B3GALT1: variants seen among roughly 807,000 people sequenced by gnomAD.
The protein encoded by B3GALT1 is beta-1,3-galactosyltransferase 1, also known as UDP-Gal:betaGlcNAc beta 1,3-galactosyltransferase, polypeptide 1.
B3GALT1 carries 10 observed loss-of-function variants against 23.2 expected under a neutral mutation model. The observed-to-expected ratio is 0.43, with a 90% CI of 0.27 to 0.73. B3GALT1 has a LOEUF of 0.73. Ranked by LOEUF, B3GALT1 falls within the 30% of genes least tolerant of loss-of-function variation. The probability of loss-of-function intolerance (pLI) is 0.21; values close to 1 mark genes in which losing one functional copy is unlikely to be tolerated. For synonymous variants in B3GALT1, 156 were observed against 141.5 expected (o/e 1.10, Z -0.73); for missense variants, 299 against 405.4 (o/e 0.74, Z 2.25).
At chr2:167,436,993 T>G (rs1321429831) in intron 1 of B3GALT1, among the ~76,000 whole-genome samples, 1 of 152,126 alleles carries the variant, frequency 6.6e-6, no homozygotes, top group African/African-American at 2.4e-5. Context: ...AATGTTAAAG[T>G]TCTTGTGGCA....
chr2:167,845,715 C>T (rs865896939), intron 4 of B3GALT1, among the ~76,000 whole-genome samples: 16 of 151,832 alleles, frequency 1.1e-4, no homozygotes, highest in South Asian at 2.1e-4. Flanking sequence ...CCCACCCCCC[C>T]GCAACAACAA....
chr2:167,835,328 C>T (rs979290342), intron 4 of B3GALT1, among the ~76,000 whole-genome samples: 38 of 152,312 alleles, frequency 2.5e-4, no homozygotes, highest in East Asian at 1.7e-3. Context: ...CACTCCCACC[C>T]GAATACTGTG....
chr2:167,662,392 A>C (rs1161060007), intron 3 of B3GALT1, among the ~76,000 whole-genome samples: 1 of 152,054 alleles, frequency 6.6e-6, no homozygotes, highest in Non-Finnish European at 1.5e-5. Context: ...GAGATGTTTC[A>C]TATGCCCTCT....
chr2:167,685,337 C>G (rs1160754504), intron 3 of B3GALT1, among the ~76,000 whole-genome samples: 1 of 152,202 alleles, frequency 6.6e-6, no homozygotes, highest in African/African-American at 2.4e-5. Context: ...CAGTGATCCC[C>G]CAACCTCAGC....
chr2:167,335,354 C>T (rs753101896), intron 1 of B3GALT1, among the ~76,000 whole-genome samples: 3 of 152,126 alleles, frequency 2.0e-5, no homozygotes, highest in East Asian at 3.9e-4. Flanking sequence ...TATAGAAGTA[C>T]GGAGTCCTTC....
intron 2 of B3GALT1, among the ~76,000 whole-genome samples, chr2:167,557,263 T>C (rs1175249480): frequency 6.6e-6 from 1 of 152,158 alleles, no homozygotes; most frequent in Non-Finnish European, 1.5e-5. Flanking sequence ...TTATGAATTA[T>C]AAACACTGAC....
At chr2:167,758,229 A>G (rs1159072846) in intron 3 of B3GALT1, among the ~76,000 whole-genome samples, 1 of 152,126 alleles carries the variant, frequency 6.6e-6, no homozygotes, top group Admixed American at 6.5e-5. Context: ...GCTCTCTGAT[A>G]GATAGGCCAG....
At chr2:167,308,926 A>G (rs1574027096) in intron 1 of B3GALT1, among the ~76,000 whole-genome samples, 1 of 152,042 alleles carries the variant, frequency 6.6e-6, no homozygotes, top group South Asian at 2.1e-4. Context: ...CTGTGGCATT[A>G]TGCTTGGACC....
intron 3 of B3GALT1, among the ~76,000 whole-genome samples, chr2:167,759,042 G>C (rs1012612304): frequency 6.6e-6 from 1 of 152,140 alleles, no homozygotes; most frequent in Non-Finnish European, 1.5e-5. Flanking sequence ...CTTTGCTTTA[G>C]GCATGGCAAA....
chr2:167,412,002 G>C (rs1404529652), intron 1 of B3GALT1, among the ~76,000 whole-genome samples: 1 of 152,068 alleles, frequency 6.6e-6, no homozygotes, highest in Non-Finnish European at 1.5e-5. Context: ...CTAAAGTGTG[G>C]AGCTCATGAA....
At chr2:167,534,713 A>T (rs752712726) in intron 2 of B3GALT1, among the ~76,000 whole-genome samples, 2 of 152,356 alleles carry the variant, frequency 1.3e-5, no homozygotes, top group Admixed American at 1.3e-4. Context: ...AAGAGAAAGT[A>T]TATAGATATT....
Position 167,845,453 on chromosome 2 carries a change from G to C in B3GALT1, c.-229-23358G>C, listed in dbSNP as rs1432410991. Reference sequence around the variant, plus strand: ...AGACAACACCCAGTACCAGCCTGTAGTCAGGTAGACTTACTTACGGAGTGG... The same window carrying C: ...AGACAACACCCAGTACCAGCCTGTACTCAGGTAGACTTACTTACGGAGTGG... On this transcript the variant is annotated intron_variant, in intron 4 of 4. Transcript: ENST00000392690. Among the ~76,000 whole-genome samples, 6 of 152,198 alleles carry C rather than the reference G, an allele frequency of 3.9e-5. 1 individual carries two copies. In the South Asian group the frequency reaches 1.2e-3, roughly 31 times the overall value.
intron 2 of B3GALT1, among the ~76,000 whole-genome samples, chr2:167,570,862 G>A (rs139556798): frequency 6.6e-6 from 1 of 152,000 alleles, no homozygotes; most frequent in East Asian, 1.9e-4. Context: ...GTACACATTA[G>A]CAAATCTACT....
chr2:167,768,776 A>T (rs192309033), intron 3 of B3GALT1, among the ~76,000 whole-genome samples: 2 of 152,298 alleles, frequency 1.3e-5, no homozygotes, highest in East Asian at 3.9e-4. Flanking sequence ...AATGCACTTA[A>T]GGTTGCCTAA....
chr2:167,428,432 TG>T (rs1465771653), intron 1 of B3GALT1, among the ~76,000 whole-genome samples: 1 of 152,150 alleles, frequency 6.6e-6, no homozygotes, highest in African/African-American at 2.4e-5. Flanking sequence ...TCCAGCACTT[TG>T]GGGGGCTGAG....
chr2:167,352,732 AAAAC>A (rs71904418), intron 1 of B3GALT1, among the ~76,000 whole-genome samples: 124,288 of 150,092 alleles, frequency 0.83, 52,139 homozygotes, highest in East Asian at 0.95. Context: ...AAAAGAAAAA[AAAAC>A]AAACAAACTG....
intron 3 of B3GALT1, among the ~76,000 whole-genome samples, chr2:167,726,691 C>T (rs1180817659): frequency 6.6e-6 from 1 of 152,200 alleles, no homozygotes; most frequent in Non-Finnish European, 1.5e-5. Context: ...GGAATCAAGG[C>T]CCAGAGAAAT....
intron 1 of B3GALT1, among the ~76,000 whole-genome samples, chr2:167,483,023 G>T (rs1699581769): frequency 6.6e-6 from 1 of 152,048 alleles, no homozygotes; most frequent in Non-Finnish European, 1.5e-5. Flanking sequence ...GCCAGGCGGG[G>T]TGGCTCACTC....
chr2:167,769,918 A>G (rs1182737945), intron 3 of B3GALT1, among the ~76,000 whole-genome samples: 2 of 152,232 alleles, frequency 1.3e-5, no homozygotes. Context: ...TAGGAGTAAA[A>G]TGTATGGGTC....
Sources: gnomAD v4.1 joint callset for allele counts (sites outside exome capture counted in the v4.1 genomes callset) on GRCh38, gnomAD v4.1.1 for gene constraint, MANE v1.5 for transcripts, NCBI Gene and HGNC (gene_info 2026-07-23, HGNC 2026-07-21) for gene names.